TMPRSS11F: variants seen among roughly 807,000 people sequenced by gnomAD.
TMPRSS11F encodes transmembrane protease serine 11F.
Under a neutral mutation model 60.2 loss-of-function variants are expected in TMPRSS11F, and 47 were observed. The ratio of observed to expected loss-of-function variants is 0.78; its 90% CI spans 0.62 to 1.00. TMPRSS11F has a LOEUF of 1.00. Among genes scored for constraint, TMPRSS11F ranks in the 50% least tolerant of loss-of-function variants. The pLI, the probability that TMPRSS11F is intolerant of heterozygous loss-of-function variation, is 0.00. For missense variants in TMPRSS11F, 519 were observed against 522.9 expected (o/e 0.99, Z 0.07); for synonymous variants, 166 against 167.3 (o/e 0.99, Z 0.06).
rs567038476 is a variant in TMPRSS11F at position 68,123,074 on chromosome 4, G to C, written c.11+6736C>G. The stretch of plus-strand genomic sequence containing the variant: ...TAAATCCCCACAATACAAAAGAAGA[G>C]AGCAGCTAATAATCCATTATCTTCT... On this transcript the variant is annotated intron_variant, in intron 1 of 9. Transcript: ENST00000356291. 2.4e-4 allele frequency among the ~76,000 whole-genome samples: 36 copies of C among 152,268 alleles called. No homozygotes were observed. The South Asian group carries it at 5.8e-3, about 25-fold the overall frequency.
rs192846119 is a variant in TMPRSS11F, at chr4:68,095,105, T to G, written c.163+3782A>C. On this transcript the variant is annotated intron_variant, in intron 2 of 9. Coordinates refer to ENST00000356291, the MANE Select transcript of TMPRSS11F (RefSeq NM_207407.2). ...TTTTATTCATTAATCTCGAAAGAGCTTCACACAGTTATGAAGGCAGCATTT... is the reference window on the plus strand; with the variant it reads ...TTTTATTCATTAATCTCGAAAGAGCGTCACACAGTTATGAAGGCAGCATTT... 2.0e-5 allele frequency among the ~76,000 whole-genome samples: 3 copies of G among 151,716 alleles called. 1 individual carries two copies. The highest frequency in any genetic ancestry group is 7.2e-5 in the African/African-American group (3 of 41,458).
In TMPRSS11F at chr4:68,059,376, G is replaced by A. The variant is rs142412240; in HGVS notation, c.1108C>T (p.Pro370Ser). Residue 370 changes from proline to serine, a missense_variant, in exon 9 of 10, where the codon CCA becomes TCA. Coordinates refer to ENST00000356291, the MANE Select transcript of TMPRSS11F (RefSeq NM_207407.2). Reference protein sequence around the residue: ...RKDVYDGLITPGMLCAGFMEG... With the variant: ...RKDVYDGLITSGMLCAGFMEG... The stretch of plus-strand genomic sequence containing the variant: ...ATGAATCCAGCACATAACATTCCTG[G>A]AGTTATCAGGCCATCATACACATCC... 2,690 of 1,613,458 alleles carry A rather than the reference G, an allele frequency of 1.7e-3. 3 individuals are homozygous for A. Among genetic ancestry groups the A allele is most frequent in the Non-Finnish European group, 1.9e-3 (2,284 of 1,179,872 alleles).
chr4:68,058,686 G>A (rs1341732530), intron 9 of TMPRSS11F, among the ~76,000 whole-genome samples: 1 of 152,188 alleles, frequency 6.6e-6, no homozygotes, highest in East Asian at 1.9e-4. Context: ...AAGGACACAA[G>A]GAATGTACAT....
At chr4:68,118,520 T>C (rs1724568202) in intron 1 of TMPRSS11F, among the ~76,000 whole-genome samples, 1 of 152,330 alleles carries the variant, frequency 6.6e-6, no homozygotes, top group East Asian at 1.9e-4. Flanking sequence ...TACATATGCT[T>C]GATATACTAA....
At chr4:68,122,171 T>C (rs1291536931) in intron 1 of TMPRSS11F, among the ~76,000 whole-genome samples, 1 of 152,184 alleles carries the variant, frequency 6.6e-6, no homozygotes, top group African/African-American at 2.4e-5. Context: ...ACATTTTAAC[T>C]GTTGAGCTTT....
At chr4:68,056,354 C>T (rs745801025) in intron 9 of TMPRSS11F, among the ~76,000 whole-genome samples, 13 of 151,174 alleles carry the variant, frequency 8.6e-5, no homozygotes, top group Non-Finnish European at 1.6e-4. Context: ...ATATACAAAA[C>T]TCAGTAGTGT....
At chr4:68,084,557 A>G (rs1723769539) in intron 3 of TMPRSS11F, among the ~76,000 whole-genome samples, 1 of 152,184 alleles carries the variant, frequency 6.6e-6, no homozygotes, top group African/African-American at 2.4e-5. Flanking sequence ...ATTCCCTGCC[A>G]AACTAAGCTT....
At chr4:68,092,846 G>A (rs550193618) in intron 2 of TMPRSS11F, among the ~76,000 whole-genome samples, 61 of 152,022 alleles carry the variant, frequency 4.0e-4, no homozygotes, top group South Asian at 8.3e-4. Flanking sequence ...CTGGAATCTC[G>A]TAGAAGTAAA....
intron 7 of TMPRSS11F, among the ~76,000 whole-genome samples, chr4:68,068,358 C>T (rs990818976): frequency 6.6e-6 from 1 of 152,032 alleles, no homozygotes; most frequent in Non-Finnish European, 1.5e-5. Context: ...AAATAATCTA[C>T]ATATTATTTT....
At chr4:68,118,984 T>G (rs1289432008) in intron 1 of TMPRSS11F, among the ~76,000 whole-genome samples, 1 of 152,188 alleles carries the variant, frequency 6.6e-6, no homozygotes, top group Non-Finnish European at 1.5e-5. Context: ...CTAGGCCTCT[T>G]GTACCAAACA....
At chr4:68,056,856 T>C (rs1235149178) in intron 9 of TMPRSS11F, among the ~76,000 whole-genome samples, 1 of 152,162 alleles carries the variant, frequency 6.6e-6, no homozygotes, top group Non-Finnish European at 1.5e-5. Flanking sequence ...ACTAATGGAA[T>C]AGAATAGAAA....
chr4:68,066,085 C>G (rs917826321), intron 7 of TMPRSS11F, among the ~76,000 whole-genome samples: 5 of 145,922 alleles, frequency 3.4e-5, no homozygotes, highest in Non-Finnish European at 7.4e-5. Context: ...CACCATTGAA[C>G]TCCAGCCTGG....
At chr4:68,093,527 T>G (rs1302569825) in intron 2 of TMPRSS11F, among the ~76,000 whole-genome samples, 1 of 151,800 alleles carries the variant, frequency 6.6e-6, no homozygotes, top group Non-Finnish European at 1.5e-5. Context: ...GCAATGGCAA[T>G]AAAAGCCAAA....
chr4:68,069,998 C>A lies in TMPRSS11F; in HGVS notation c.524G>T (p.Ser175Ile). Reference protein sequence around the residue: ...KPSFRLTPIDSKKMRNLLNSR... With the variant: ...KPSFRLTPIDIKKMRNLLNSR... ...GTTGAGAAGATTCCTCATCTTTTTG[C>A]TGTCAATAGCTGGAATAAGCAAAAC... The change falls in exon 6 of 10, where the codon AGC becomes ATC. Residue 175 changes from serine (S) to isoleucine (I), a missense_variant. Ser to Ile is a moderately radical substitution (Grantham distance 142). Transcript: ENST00000356291. The A allele has an allele frequency of 1.2e-6, 2 of 1,600,200 alleles. No homozygotes were observed. The highest frequency in any genetic ancestry group is 2.2e-5 in the South Asian group (2 of 89,190).
chr4:68,078,830 C>G (rs1321496456), intron 3 of TMPRSS11F, among the ~76,000 whole-genome samples: 1 of 151,894 alleles, frequency 6.6e-6, no homozygotes, highest in African/African-American at 2.4e-5. Context: ...TTCTCTGAGC[C>G]CATTTTATTT....
Position 68,083,445 on chromosome 4 carries a change from G to T in TMPRSS11F, c.282+7078C>A, listed in dbSNP as rs1723747064. Reference sequence around the variant, plus strand: ...GAGCAGGGCAGCTAACAGCCTATCTGCCAGTCATTACTCTTAAGCACCATC... The same window carrying T: ...GAGCAGGGCAGCTAACAGCCTATCTTCCAGTCATTACTCTTAAGCACCATC... On this transcript the variant is annotated intron_variant, in intron 3 of 9. Coordinates refer to ENST00000356291, the MANE Select transcript of TMPRSS11F (RefSeq NM_207407.2). Among the ~76,000 whole-genome samples the T allele has an allele frequency of 2.0e-5, 3 of 152,132 alleles. No individual in the cohort carries two copies. The South Asian group carries it at 6.2e-4, about 32-fold the overall frequency.
At chr4:68,113,040 T>C (rs902074103) in intron 1 of TMPRSS11F, among the ~76,000 whole-genome samples, 1 of 152,152 alleles carries the variant, frequency 6.6e-6, no homozygotes, top group Non-Finnish European at 1.5e-5. Flanking sequence ...AACAACATAA[T>C]ACACATTCCC....
intron 1 of TMPRSS11F, among the ~76,000 whole-genome samples, chr4:68,106,760 T>C (rs1350919507): frequency 1.3e-5 from 2 of 152,234 alleles, no homozygotes; most frequent in Admixed American, 1.3e-4. Flanking sequence ...GTAATAGCTC[T>C]GTACATGGGG....
At chr4:68,112,369 C>T (rs185617511) in intron 1 of TMPRSS11F, among the ~76,000 whole-genome samples, 1 of 152,074 alleles carries the variant, frequency 6.6e-6, no homozygotes, top group African/African-American at 2.4e-5. Flanking sequence ...CTCCATGGAC[C>T]TTTTCTGAAT....
Sources: gnomAD v4.1 joint callset for allele counts (sites outside exome capture counted in the v4.1 genomes callset) on GRCh38, gnomAD v4.1.1 for gene constraint, MANE v1.5 for transcripts, NCBI Gene and HGNC (gene_info 2026-07-23, HGNC 2026-07-21) for gene names.